The following ESYT2 variants were observed in gnomAD, a reference collection of about 807,000 sequenced individuals.
ESYT2 encodes extended synaptotagmin 2.
In ESYT2, 54 loss-of-function variants were observed where a neutral mutation model predicts 107.2. That is an observed-to-expected ratio of 0.50 (90% CI 0.40 to 0.63). ESYT2 has a LOEUF of 0.63. ESYT2 is among the 30% of genes least tolerant of loss of function. The pLI is 0.00. For missense variants in ESYT2, 1,020 were observed against 1,094.5 expected, an observed-to-expected ratio of 0.93 and a Z score of 0.96; for synonymous variants, 491 against 434.1, an observed-to-expected ratio of 1.13 and a Z score of -1.63.
intron 5 of ESYT2, 77 bp from the exon 6 acceptor site, chr7:158,788,170 G>T: frequency 7.6e-7 from 1 of 1,308,400 alleles, no homozygotes; most frequent in Non-Finnish European, 1.1e-6. Context: ...GTTTGCATGC[G>T]AATCTTAGTA....
chr7:158,777,113 T>G (rs1161376432), intron 6 of ESYT2, among the ~76,000 whole-genome samples: 1 of 152,122 alleles, frequency 6.6e-6, no homozygotes, highest in Admixed American at 6.5e-5. Flanking sequence ...TCCGCCCCAC[T>G]TGGCCTCTGA....
rs1839917219 is a variant in ESYT2, at chr7:158,809,146, A to G, written c.331-10074T>C. 2.6e-5 allele frequency among the ~76,000 whole-genome samples: 4 copies of G among 152,192 alleles called. No homozygotes were observed. In the East Asian group the frequency reaches 7.7e-4, roughly 29 times the overall value. On this transcript the variant is annotated intron_variant, in intron 1 of 22. Transcript: ENST00000275418. The stretch of plus-strand genomic sequence containing the variant: ...ACAGATAAGGGGGGGCTACTGTAGT[A>G]AACTTTGGATCACATTAAGCCAATT...
intron 6 of ESYT2, among the ~76,000 whole-genome samples, chr7:158,782,084 C>A (rs1013055888): frequency 6.7e-6 from 1 of 149,608 alleles, no homozygotes; most frequent in Non-Finnish European, 1.5e-5. Flanking sequence ...TATGTAAGAA[C>A]AAATGTGAGT....
At position 158,829,114 on chromosome 7, in the gene ESYT2, A is replaced by C; in HGVS notation, c.305T>G (p.Val102Gly). ...EDEERVVRLG[V>G]RACDLPAWVH... ...CCAGGCGGGCAGGTCGCAGGCGCGC[A>C]CCCCCAGGCGCACGACGCGCTCCTC... Residue 102 changes from valine to glycine, a missense_variant, in exon 1 of 23, where the codon GTG becomes GGG. Transcript: ENST00000275418. The C allele has an allele frequency of 6.3e-7, 1 of 1,578,660 alleles. No individual in the cohort carries two copies. The highest frequency in any genetic ancestry group is 1.1e-5 in the South Asian group (1 of 88,886).
At chr7:158,816,860 T>C (rs1190125669) in intron 1 of ESYT2, among the ~76,000 whole-genome samples, 1 of 152,250 alleles carries the variant, frequency 6.6e-6, no homozygotes, top group African/African-American at 2.4e-5. Flanking sequence ...TGTTACTTTG[T>C]ATTGGATTAC....
intron 7 of ESYT2, among the ~76,000 whole-genome samples, chr7:158,770,355 TTG>T (rs1838316434): frequency 6.6e-6 from 1 of 151,726 alleles, no homozygotes; most frequent in Admixed American, 6.6e-5. Flanking sequence ...ATCTACATAA[TTG>T]TGCATAAATT....
At chr7:158,816,673 C>T (rs1286945932) in intron 1 of ESYT2, among the ~76,000 whole-genome samples, 1 of 152,214 alleles carries the variant, frequency 6.6e-6, no homozygotes, top group Non-Finnish European at 1.5e-5. Flanking sequence ...AATGCACCAA[C>T]CATGTCATCC....
rs570324609 is a variant in ESYT2 at position 158,815,364 on chromosome 7, A to G, written c.330+13725T>C. ...GCCCCAGCCTCAAACTACTGCTCCT[A>G]TTGTTCCAGCCATCATTTCTACACC... On this transcript the variant is annotated intron_variant, in intron 1 of 22. Transcript: ENST00000275418. Among the ~76,000 whole-genome samples, 3 of 152,136 alleles carry G rather than the reference A, an allele frequency of 2.0e-5. No individual in the cohort carries two copies. In the South Asian group the frequency reaches 6.2e-4, roughly 32 times the overall value.
At chr7:158,772,769 T>C (rs1020050245) in intron 7 of ESYT2, among the ~76,000 whole-genome samples, 2 of 151,782 alleles carry the variant, frequency 1.3e-5, no homozygotes, top group Admixed American at 1.3e-4. Context: ...TACGGAATAA[T>C]GAAGGGACTC....
chr7:158,813,956 C>T (rs1171778124), intron 1 of ESYT2, among the ~76,000 whole-genome samples: 1 of 152,078 alleles, frequency 6.6e-6, no homozygotes, highest in African/African-American at 2.4e-5. Flanking sequence ...CAATGACTCT[C>T]ACAGATCAAA....
chr7:158,782,401 AGT>A (rs1449225974), intron 6 of ESYT2, among the ~76,000 whole-genome samples: 2 of 135,004 alleles, frequency 1.5e-5, no homozygotes, highest in East Asian at 4.2e-4. Context: ...AACGAGAACA[AGT>A]GAGTGAACGA....
chr7:158,735,628 C>T lies in ESYT2; in HGVS notation c.2400-20G>A. ...TCAAAGCTGAAATAGGAAACGAGAG[C>T]CTTACTTTATCCATCATTCTGCTGT... is the stretch of plus-strand genomic sequence containing the variant. On this transcript the variant is annotated intron_variant, in intron 20 of 22. Transcript: ENST00000275418. 3.1e-6 allele frequency: 5 copies of T among 1,594,454 alleles called. No homozygotes were observed. The highest frequency in any genetic ancestry group is 4.3e-6 in the Non-Finnish European group (5 of 1,162,778).
chr7:158,773,438 T>C, intron 6 of ESYT2, 42 bp from the exon 7 acceptor site: 1 of 1,605,414 alleles, frequency 6.2e-7, no homozygotes, highest in South Asian at 1.1e-5. Flanking sequence ...CCAAACAATT[T>C]CCAATTATTG....
chr7:158,788,039 C>T lies in ESYT2; in HGVS notation c.712G>A (p.Val238Ile), dbSNP rs769379327. 8 of 1,614,112 alleles carry T rather than the reference C, an allele frequency of 5.0e-6. No homozygotes were observed. Among genetic ancestry groups the T allele is most frequent in the Non-Finnish European group, 5.9e-6 (7 of 1,179,962 alleles). ...LEPLIGDMPL[V>I]GALSIFFLRK... ...AGGAAGAAGATAGACAAAGCTCCAA[C>T]TAAGGGCATATCTCCAATCAACGGT... Residue 238 changes from valine to isoleucine, a missense_variant, in exon 6 of 23, where the codon GTT becomes ATT. Transcript: ENST00000275418.
intron 6 of ESYT2, 136 bp from the exon 7 acceptor site, chr7:158,773,532 A>AT: frequency 1.4e-6 from 1 of 709,186 alleles, no homozygotes; most frequent in Non-Finnish European, 2.3e-6. Flanking sequence ...CCTTCGTAAT[A>AT]TACCAAGGAC....
At chr7:158,772,383 A>G (rs1230591882) in intron 7 of ESYT2, among the ~76,000 whole-genome samples, 1 of 152,200 alleles carries the variant, frequency 6.6e-6, no homozygotes, top group East Asian at 1.9e-4. Flanking sequence ...TAGAAAGGCC[A>G]TTTCAGAGGC....
chr7:158,736,490 G>A (rs761175833), intron 20 of ESYT2, among the ~76,000 whole-genome samples: 34 of 152,148 alleles, frequency 2.2e-4, no homozygotes, highest in South Asian at 4.1e-4. Flanking sequence ...GGGTGTCTCT[G>A]AGACCCTCCT....
At chr7:158,751,875 T>G (rs1837597567) in intron 14 of ESYT2, among the ~76,000 whole-genome samples, 3 of 152,214 alleles carry the variant, frequency 2.0e-5, no homozygotes, top group South Asian at 4.1e-4. Flanking sequence ...TTCAATGTTC[T>G]GGAGGGCACA....
intron 7 of ESYT2, among the ~76,000 whole-genome samples, chr7:158,772,405 T>C (rs1838404561): frequency 6.6e-6 from 1 of 152,112 alleles, no homozygotes; most frequent in South Asian, 2.1e-4. Flanking sequence ...TAAACAAATA[T>C]ATGAGAATAA....
Sources: gnomAD v4.1 joint callset for allele counts (sites outside exome capture counted in the v4.1 genomes callset) on GRCh38, gnomAD v4.1.1 for gene constraint, MANE v1.5 for transcripts, NCBI Gene and HGNC (gene_info 2026-07-23, HGNC 2026-07-21) for gene names.